MEGF10: variants seen among roughly 807,000 people sequenced by gnomAD.
The protein encoded by MEGF10 is multiple epidermal growth factor-like domains protein 10.
Under a neutral mutation model 147.5 loss-of-function variants are expected in MEGF10, and 86 were observed. That is an observed-to-expected ratio of 0.58 (90% confidence interval 0.49 to 0.70). The LOEUF (loss-of-function observed/expected upper bound fraction) is 0.70. Among genes scored for constraint, MEGF10 ranks in the 30% least tolerant of loss-of-function variants. MEGF10 has a pLI of 0.00. For missense variants in MEGF10, 1,329 were observed against 1,487.3 expected, an observed-to-expected ratio of 0.89 and a Z score of 1.75; for synonymous variants, 478 against 525.5, an observed-to-expected ratio of 0.91 and a Z score of 1.24.
intron 1 of MEGF10, among the ~76,000 whole-genome samples, chr5:127,328,181 A>G (rs540225444): frequency 1.4e-4 from 21 of 152,300 alleles, no homozygotes; most frequent in African/African-American, 4.8e-4. Flanking sequence ...CTCATCGTCT[A>G]TAACATCTGT....
upstream of MEGF10, among the ~76,000 whole-genome samples, chr5:127,288,806 C>A (rs929991802): frequency 6.6e-6 from 1 of 152,172 alleles, no homozygotes; most frequent in African/African-American, 2.4e-5. Context: ...ATAATAACCC[C>A]ATATTGAAAA....
chr5:127,324,816 C>CAACAGATT (rs1273571579), intron 1 of MEGF10, among the ~76,000 whole-genome samples: 1 of 152,182 alleles, frequency 6.6e-6, no homozygotes, highest in Non-Finnish European at 1.5e-5. Flanking sequence ...TCCTTTCTAG[C>CAACAGATT]GTTACTTCTC....
At chr5:127,446,605 G>T (rs564288138) in intron 20 of MEGF10, among the ~76,000 whole-genome samples, 1 of 152,132 alleles carries the variant, frequency 6.6e-6, no homozygotes, top group East Asian at 1.9e-4. Context: ...TCCAGTGAAC[G>T]GTTTGCAAAC....
upstream of MEGF10, among the ~76,000 whole-genome samples, chr5:127,286,367 T>C (rs1759028418): frequency 6.6e-6 from 1 of 152,054 alleles, no homozygotes; most frequent in Non-Finnish European, 1.5e-5. Flanking sequence ...ATACCCGAGA[T>C]GCTCCCCTTG....
chr5:127,402,731 G>A (rs780884849), intron 8 of MEGF10, 49 bp downstream of exon 8: 2 of 1,603,914 alleles, frequency 1.2e-6, no homozygotes, highest in South Asian at 2.2e-5. Flanking sequence ...GATGTGAAAG[G>A]AAAGTTTGTA....
At chr5:127,325,887 GTA>G (rs1189933388) in intron 1 of MEGF10, among the ~76,000 whole-genome samples, 622 of 49,460 alleles carry the variant, frequency 0.013, 11 homozygotes, top group East Asian at 0.054. Context: ...GTGTGTGTGT[GTA>G]TATATATATA....
chr5:127,384,703 G>A (rs944778156), intron 5 of MEGF10, among the ~76,000 whole-genome samples: 4 of 152,232 alleles, frequency 2.6e-5, no homozygotes, highest in African/African-American at 9.6e-5. Flanking sequence ...ACAGCACTGG[G>A]TGGTTGTCCA....
rs75115343 is a variant in MEGF10, at chr5:127,441,249, C to A, written c.2362+382C>A. On this transcript the variant is annotated intron_variant, in intron 18 of 24. Coordinates refer to ENST00000503335, the MANE Select transcript of MEGF10 (RefSeq NM_001256545.2). Reference sequence around the variant, plus strand: ...GTCTCACATTGGAGGACAGTACATTCGGTGGGGAGGAGGGCTGGTGGCCCA... The same window carrying A: ...GTCTCACATTGGAGGACAGTACATTAGGTGGGGAGGAGGGCTGGTGGCCCA... Among the ~76,000 whole-genome samples the A allele has an allele frequency of 2.3e-3, 350 of 152,322 alleles. 1 individual carries two copies. The highest frequency in any genetic ancestry group is 7.8e-3 in the African/African-American group (323 of 41,580).
chr5:127,346,534 A>G (rs1225513253), intron 4 of MEGF10, among the ~76,000 whole-genome samples: 1 of 151,944 alleles, frequency 6.6e-6, no homozygotes, highest in Non-Finnish European at 1.5e-5. Context: ...TTATGTCCTT[A>G]GCCCACTTTT....
At chr5:127,252,303 A>G in the MEGF10 span, among the ~76,000 whole-genome samples, 50,276 of 151,420 alleles carry the variant, frequency 0.33, 9,394 homozygotes, top group Middle Eastern at 0.5. Context: ...CAGTGGGCCT[A>G]AAAGTCTATG....
chr5:127,261,736 A>G, the MEGF10 span, among the ~76,000 whole-genome samples: 1 of 152,142 alleles, frequency 6.6e-6, no homozygotes, highest in African/African-American at 2.4e-5. Flanking sequence ...GAAGGTTCCA[A>G]TTTCTCCACA....
chr5:127,278,277 A>C, the MEGF10 span, among the ~76,000 whole-genome samples: 1 of 152,116 alleles, frequency 6.6e-6, no homozygotes, highest in African/African-American at 2.4e-5. Context: ...GGAAGAGAAA[A>C]ATGTTTCTGA....
intron 10 of MEGF10, among the ~76,000 whole-genome samples, chr5:127,418,404 AG>A (rs1296255194): frequency 1.3e-5 from 2 of 152,244 alleles, no homozygotes; most frequent in African/African-American, 4.8e-5. Flanking sequence ...CATTTTAAAG[AG>A]CACATTGAAC....
chr5:127,255,510 T>C, the MEGF10 span, among the ~76,000 whole-genome samples: 1 of 152,138 alleles, frequency 6.6e-6, no homozygotes, highest in Non-Finnish European at 1.5e-5. Flanking sequence ...TTGCTTGGCC[T>C]ACACCCAGGA....
chr5:127,300,448 G>T (rs1759716832), intron 1 of MEGF10, among the ~76,000 whole-genome samples: 1 of 152,172 alleles, frequency 6.6e-6, no homozygotes, highest in Non-Finnish European at 1.5e-5. Context: ...GGCATAGGAT[G>T]CTTAATGGGA....
the MEGF10 span, among the ~76,000 whole-genome samples, chr5:127,266,659 AG>A: frequency 6.6e-6 from 1 of 152,058 alleles, no homozygotes; most frequent in Non-Finnish European, 1.5e-5. Flanking sequence ...TTGGATTCCT[AG>A]GTATTTTTTT....
In MEGF10 at chr5:127,454,615, C is replaced by G. The variant is rs370095728; in HGVS notation, c.3025+5C>G. 11 of 1,603,600 alleles carry G rather than the reference C, an allele frequency of 6.9e-6. No individual in the cohort carries two copies. Among genetic ancestry groups the G allele is most frequent in the Non-Finnish European group, 8.5e-6 (10 of 1,176,026 alleles). On this transcript the variant is annotated splice_donor_5th_base_variant and intron_variant, in intron 23 of 24. Coordinates refer to ENST00000503335, the MANE Select transcript of MEGF10 (RefSeq NM_001256545.2). ...ATATGGGAAAATCCTTAAAAGGTATCATGTAAATTTGAAGAAGAAATCAGA... is the reference window on the plus strand; with the variant it reads ...ATATGGGAAAATCCTTAAAAGGTATGATGTAAATTTGAAGAAGAAATCAGA...
At chr5:127,412,122 A>G (rs6893607) in intron 9 of MEGF10, among the ~76,000 whole-genome samples, 2,088 of 152,368 alleles carry the variant, frequency 0.014, 38 homozygotes, top group African/African-American at 0.048. Context: ...CTAAGCATAT[A>G]TGTGTTAACA....
intron 8 of MEGF10, chr5:127,409,609 G>A (rs1375275773): frequency 1.3e-5 from 2 of 152,334 alleles, no homozygotes; most frequent in African/African-American, 2.4e-5. Flanking sequence ...CTTGGACAGA[G>A]CTCCAATGCC....
Sources: gnomAD v4.1 joint callset for allele counts (sites outside exome capture counted in the v4.1 genomes callset) on GRCh38, gnomAD v4.1.1 for gene constraint, MANE v1.5 for transcripts, NCBI Gene and HGNC (gene_info 2026-07-23, HGNC 2026-07-21) for gene names.